The following HCRTR1 variants were observed in gnomAD, a reference collection of about 807,000 sequenced individuals.
HCRTR1 encodes the protein hypocretin receptor 1, also known as orexin/Hypocretin receptor type 1.
In HCRTR1, 28 loss-of-function variants were observed where a neutral mutation model predicts 40.6. The observed-to-expected ratio is 0.69, with a 90% confidence interval of 0.51 to 0.95. The LOEUF (loss-of-function observed/expected upper bound fraction) is 0.95. HCRTR1 is among the 40% of genes least tolerant of loss of function. The pLI is 0.00. For synonymous variants in HCRTR1, 209 were observed against 230.0 expected (o/e 0.91, Z 0.83); for missense variants, 482 against 564.7 (o/e 0.85, Z 1.48).
chr1:31,629,176 A>G (rs1201911077), downstream of HCRTR1, among the ~76,000 whole-genome samples: 1 of 152,218 alleles, frequency 6.6e-6, no homozygotes, highest in East Asian at 1.9e-4. Flanking sequence ...GCACTACAGC[A>G]GCCCAGAGGA....
downstream of HCRTR1, among the ~76,000 whole-genome samples, chr1:31,627,840 G>A (rs368854786): frequency 7.2e-5 from 11 of 152,254 alleles, no homozygotes; most frequent in African/African-American, 2.2e-4. Context: ...CTCACCCCTC[G>A]ACACAACTGT....
chr1:31,623,859 G>A, intron 7 of HCRTR1, 110 bp downstream of exon 7: 2 of 759,722 alleles, frequency 2.6e-6, no homozygotes, highest in South Asian at 3.6e-5. Flanking sequence ...ATGTGATCTT[G>A]GGCAGGCCAT....
At chr1:31,620,818 C>T (rs1298159955) in intron 4 of HCRTR1, 25 bp from the exon 5 acceptor site, 1 of 1,605,136 alleles carries the variant, frequency 6.2e-7, no homozygotes, top group Non-Finnish European at 8.5e-7. Context: ...CCCAAAATGA[C>T]CGACGTTGTG....
chr1:31,620,896 C>A lies in HCRTR1; in HGVS notation c.432C>A (p.Arg144=). The part of the protein sequence containing the change: ...VLTLSFIALD[R]WYAICHPLLF... ...CTCTCAGCTTCATCGCCCTGGACCG[C>A]TGGTATGCCATCTGCCACCCACTAT... Residue 144 remains arginine (R), a synonymous_variant, in exon 5 of 9, where the codon CGC becomes CGA. Transcript: ENST00000403528. 1 of 1,614,176 alleles carries A rather than the reference C, an allele frequency of 6.2e-7. No individual in the cohort carries two copies. The highest frequency in any genetic ancestry group is 8.5e-7 in the Non-Finnish European group (1 of 1,180,022).
downstream of HCRTR1, among the ~76,000 whole-genome samples, chr1:31,628,252 C>A (rs1640017682): frequency 6.6e-6 from 1 of 152,232 alleles, no homozygotes. Flanking sequence ...TGCCAGGGGC[C>A]CAGCCCAGGA....
chr1:31,630,668 T>C (rs768631094), downstream of HCRTR1: 4 of 1,613,466 alleles, frequency 2.5e-6, no homozygotes, highest in African/African-American at 5.3e-5. Context: ...GAGCCGAATG[T>C]TGCCTTGTAC....
rs769011194 is a variant in HCRTR1, at chr1:31,626,739, T to C, written c.1088-51T>C. 2.0e-5 allele frequency: 26 copies of C among 1,304,764 alleles called. No individual in the cohort carries two copies. Among genetic ancestry groups the C allele is most frequent in the East Asian group, 5.1e-5 (1 of 19,790 alleles). 80.8% of individuals were successfully genotyped at this position (1,304,764 alleles called of 1,614,324 possible). A position where few individuals can be genotyped will look rare whatever the true frequency, so the allele number is the denominator to read the frequency against. ...TGGGTGTCCCTGGGCTCAAGGCCCC[T>C]TCCTGCTGCATCTGTCTCCTTATGG... On this transcript the variant is annotated intron_variant, in intron 8 of 8. Coordinates refer to ENST00000403528, the MANE Select transcript of HCRTR1 (RefSeq NM_001525.3). The surrounding 1 kb of genome is among the most constrained non-coding windows in gnomAD (Gnocchi z 4.6).
intron 5 of HCRTR1, 51 bp downstream of exon 5, chr1:31,621,137 G>A (rs1176657171): frequency 6.4e-7 from 1 of 1,568,876 alleles, no homozygotes; most frequent in Non-Finnish European, 8.6e-7. Flanking sequence ...CACTTTGGGA[G>A]CACGTACCCC....
Position 31,623,595 on chromosome 1 carries a change from G to C in HCRTR1, c.811G>C (p.Gly271Arg). 1 of 1,613,614 alleles carries C rather than the reference G, an allele frequency of 6.2e-7. No homozygotes were observed. ...AGACCAGCTGGGGGACCTGGAGCAG[G>C]GCCTGAGTGGAGAGCCCCAGCCCCG... The part of the protein sequence containing the change: ...PSDQLGDLEQ[G>R]LSGEPQPRAR... The change falls in exon 7 of 9, where the codon GGC (glycine) becomes CGC (arginine). Residue 271 changes from glycine (G) to arginine (R), a missense_variant. Transcript: ENST00000403528.
At chr1:31,630,461 G>C, downstream of HCRTR1, 4 of 808,228 alleles carry the variant, frequency 4.9e-6, no homozygotes, top group Non-Finnish European at 7.8e-6. Context: ...TATGATGCAG[G>C]ACTCTCCACC....
rs1237145333 is a variant in HCRTR1 at position 31,617,715 on chromosome 1, T to G, written c.-370T>G. 2 of 150,868 alleles carry G rather than the reference T, an allele frequency of 1.3e-5. No homozygotes were observed. The highest frequency in any genetic ancestry group is 3.0e-5 in the Non-Finnish European group (2 of 67,594). The allele number at this position is 150,868 out of a possible 1,614,324, so 9.3% of individuals were successfully genotyped here. A position where few individuals can be genotyped will look rare whatever the true frequency, so the allele number is the denominator to read the frequency against. ...CAGCCCGCGCAGTTGCCGCGGATCG[T>G]GCTGAGCCCCGCGAGCCGAGGCAGC... On this transcript the variant is annotated 5_prime_UTR_variant, in exon 1 of 9. Coordinates refer to ENST00000403528, the MANE Select transcript of HCRTR1 (RefSeq NM_001525.3).
In HCRTR1 at chr1:31,623,508, A is replaced by C. The variant is rs1397676837; in HGVS notation, c.739-15A>C. 6.2e-7 allele frequency: 1 copy of C among 1,605,002 alleles called. No individual in the cohort carries two copies. The highest frequency in any genetic ancestry group is 2.2e-5 in the East Asian group (1 of 44,748). The stretch of plus-strand genomic sequence containing the variant: ...TGCTGTACCCACCACTGCTGTCTCT[A>C]TGTGTGCTGGACAGATCCCCGGCAC... On this transcript the variant is annotated splice_polypyrimidine_tract_variant and intron_variant, in intron 6 of 8. Transcript: ENST00000403528.
chr1:31,625,816 C>T lies in HCRTR1; in HGVS notation c.1087+698C>T, dbSNP rs991698426. ...GCCCTCTGACTTTGGGAATAGACTT[C>T]TAAAGAACAGGTCCAGATGACTGTT... is the stretch of plus-strand genomic sequence containing the variant. On this transcript the variant is annotated intron_variant, in intron 8 of 8. Transcript: ENST00000403528. The surrounding 1 kb of genome is among the most constrained non-coding windows in gnomAD (Gnocchi z 4.2). Among the ~76,000 whole-genome samples, 3 of 152,166 alleles carry T rather than the reference C, an allele frequency of 2.0e-5. No homozygotes were observed. Among genetic ancestry groups the T allele is most frequent in the Non-Finnish European group, 4.4e-5 (3 of 68,040 alleles).
chr1:31,624,634 T>C (rs1190946927), intron 7 of HCRTR1, among the ~76,000 whole-genome samples: 3 of 152,206 alleles, frequency 2.0e-5, no homozygotes, highest in African/African-American at 7.2e-5. Flanking sequence ...GCTTGGCCAC[T>C]TCCTGGTTGT....
Position 31,627,130 on chromosome 1 carries a change from C to A in HCRTR1, c.*150C>A. 1 of 1,424,504 alleles carries A rather than the reference C, an allele frequency of 7.0e-7. No individual in the cohort carries two copies. The highest frequency in any genetic ancestry group is 9.3e-7 in the Non-Finnish European group (1 of 1,069,822). The allele number at this position is 1,424,504 out of a possible 1,614,324, so 88.2% of individuals were successfully genotyped here. A position where few individuals can be genotyped will look rare whatever the true frequency, so the allele number is the denominator to read the frequency against. ...TCACTTCCTCTGTCTGAGCTTGTGT[C>A]CCCTAAGCAGGGTTGATGTGAGGAT... On this transcript the variant is annotated 3_prime_UTR_variant, in exon 9 of 9. Coordinates refer to ENST00000403528, the MANE Select transcript of HCRTR1 (RefSeq NM_001525.3).
chr1:31,621,616 C>A, intron 6 of HCRTR1, 24 bp downstream of exon 6: 4 of 1,514,930 alleles, frequency 2.6e-6, no homozygotes, highest in East Asian at 2.3e-5. Context: ...TGGGCAGGGG[C>A]TAGGCCAGTC....
At chr1:31,634,299 C>T (rs895713397), downstream of HCRTR1, among the ~76,000 whole-genome samples, 1 of 152,208 alleles carries the variant, frequency 6.6e-6, no homozygotes, top group African/African-American at 2.4e-5. Context: ...TAGAAGGGCT[C>T]AGGCTTTGGA....
chr1:31,633,016 A>C (rs923785518), downstream of HCRTR1: 44 of 983,438 alleles, frequency 4.5e-5, no homozygotes, highest in Non-Finnish European at 6.5e-5. Flanking sequence ...AGGGGATCTC[A>C]CCCTGAACCT....
intron 4 of HCRTR1, 105 bp downstream of exon 4, chr1:31,619,815 C>A: frequency 9.3e-7 from 1 of 1,074,808 alleles, no homozygotes; most frequent in East Asian, 2.5e-5. Context: ...TCAGACAGGT[C>A]AGTGGCTCAT....
Sources: gnomAD v4.1 joint callset for allele counts (sites outside exome capture counted in the v4.1 genomes callset) on GRCh38, gnomAD v4.1.1 for gene constraint, Gnocchi (gnomAD v3.1) non-coding constraint, MANE v1.5 for transcripts, NCBI Gene and HGNC (gene_info 2026-07-23, HGNC 2026-07-21) for gene names.